The following SH3BGRL2 variants were observed in gnomAD, a reference collection of about 807,000 sequenced individuals.
SH3BGRL2 encodes the protein SH3 domain-binding glutamic acid-rich-like protein 2.
SH3BGRL2 carries 21 observed loss-of-function variants against 14.8 expected under a neutral mutation model. The observed-to-expected ratio is 1.42, with a 90% CI of 1.01 to 2.05. The LOEUF (loss-of-function observed/expected upper bound fraction) is 2.05, where lower values mean the gene tolerates loss of function less well. Ranked by LOEUF, SH3BGRL2 falls within the 30% of genes most tolerant of loss-of-function variation. The pLI is 0.00. For synonymous variants in SH3BGRL2, 50 were observed against 47.8 expected (o/e 1.05, Z -0.19); for missense variants, 147 against 130.8 (o/e 1.12, Z -0.61).
At chr6:79,595,798 C>G in the SH3BGRL2 span, among the ~76,000 whole-genome samples, 1 of 152,162 alleles carries the variant, frequency 6.6e-6, no homozygotes. Context: ...TTCTATTTAA[C>G]TTTGTACTGC....
At chr6:79,542,671 T>TTTAGGGAGAGGTTGGAAGGTGGGAG in the SH3BGRL2 span, among the ~76,000 whole-genome samples, 117 of 152,282 alleles carry the variant, frequency 7.7e-4, no homozygotes, top group African/African-American at 2.7e-3. Flanking sequence ...AAATGGGGCA[T>TTTAGGGAGAGGTTGGAAGGTGGGAG]TTAGGGAGAG....
intron 2 of SH3BGRL2, among the ~76,000 whole-genome samples, chr6:79,683,394 C>T (rs1770029136): frequency 6.6e-6 from 1 of 151,816 alleles, no homozygotes; most frequent in African/African-American, 2.4e-5. Flanking sequence ...GTTGCATATT[C>T]TTTTCTGTTT....
chr6:79,538,018 G>GTTTTT, the SH3BGRL2 span, among the ~76,000 whole-genome samples: 207 of 44,150 alleles, frequency 4.7e-3, 49 homozygotes, highest in Middle Eastern at 0.067. Flanking sequence ...TTGCACACAA[G>GTTTTT]TTTTTTTTTT....
At chr6:79,630,201 G>A (rs374978173), upstream of SH3BGRL2, among the ~76,000 whole-genome samples, 1 of 152,232 alleles carries the variant, frequency 6.6e-6, no homozygotes, top group Non-Finnish European at 1.5e-5. Flanking sequence ...CAATAGGAAA[G>A]GTTATAAATT....
intron 1 of SH3BGRL2, among the ~76,000 whole-genome samples, chr6:79,653,411 A>C (rs1206605046): frequency 6.6e-6 from 1 of 152,230 alleles, no homozygotes; most frequent in Non-Finnish European, 1.5e-5. Context: ...CTTACCCTGG[A>C]ACCATAATTA....
At chr6:79,636,509 G>A (rs1482489343) in intron 1 of SH3BGRL2, among the ~76,000 whole-genome samples, 1 of 152,118 alleles carries the variant, frequency 6.6e-6, no homozygotes, top group Admixed American at 6.5e-5. Flanking sequence ...GAGAGGATGT[G>A]GTGGTGATGG....
In SH3BGRL2 at chr6:79,699,504, C is replaced by T. The variant is rs769605394; in HGVS notation, c.319C>T (p.Pro107Ser). 14 of 741,434 alleles carry T rather than the reference C, an allele frequency of 1.9e-5. No homozygotes were observed. The South Asian group carries it at 2.3e-4, about 12-fold the overall frequency. The allele number at this position is 741,434 out of a possible 1,614,324, so 45.9% of individuals were successfully genotyped here. A position where few individuals can be genotyped will look rare whatever the true frequency, so the allele number is the denominator to read the frequency against. The change falls in exon 4 of 4, where the codon CCT (proline) becomes TCT (serine). Residue 107 changes from proline to serine, a missense_variant. Coordinates refer to ENST00000369838, the MANE Select transcript of SH3BGRL2 (RefSeq NM_031469.4). ...LKPRLASKAE[P>S] Reference sequence around the variant, plus strand: ...TTTTTTTTTTTTTTTATAGGCAGAACCTTAGAGAAGAAGAGTGGAAGATGA... The same window carrying T: ...TTTTTTTTTTTTTTTATAGGCAGAATCTTAGAGAAGAAGAGTGGAAGATGA...
At position 79,702,581 on chromosome 6, in the gene SH3BGRL2, A is replaced by AG. The variant is rs1244903703; in HGVS notation, c.*3074dup. On this transcript the variant is annotated 3_prime_UTR_variant, in exon 4 of 4. Coordinates refer to ENST00000369838, the MANE Select transcript of SH3BGRL2 (RefSeq NM_031469.4). ...TTAATTTTAGTTCTGTTTAGTTGAGAGGCTGTGATTTTACTCTTGCCTGTG... is the reference window on the plus strand; with the variant it reads ...TTAATTTTAGTTCTGTTTAGTTGAGAGGGCTGTGATTTTACTCTTGCCTGTG... 2.0e-5 allele frequency: 3 copies of AG among 152,218 alleles called. No individual in the cohort carries two copies. The allele number at this position is 152,218 out of a possible 1,614,324, so 9.4% of individuals were successfully genotyped here.
intron 2 of SH3BGRL2, among the ~76,000 whole-genome samples, chr6:79,685,238 G>A (rs1391764653): frequency 6.6e-6 from 1 of 152,174 alleles, no homozygotes; most frequent in Admixed American, 6.5e-5. Context: ...CCAGTTGCAT[G>A]GCTAGCAGTA....
the SH3BGRL2 span, among the ~76,000 whole-genome samples, chr6:79,564,982 A>G: frequency 2.0e-5 from 3 of 152,162 alleles, no homozygotes; most frequent in Non-Finnish European, 2.9e-5. Flanking sequence ...TTCCCCTGGC[A>G]GAAGAACACG....
At chr6:79,561,321 A>G in the SH3BGRL2 span, 4 of 152,144 alleles carry the variant, frequency 2.6e-5, no homozygotes, top group Non-Finnish European at 5.9e-5. Context: ...ATATGTATAT[A>G]GCCTAGCATT....
chr6:79,575,375 G>A, the SH3BGRL2 span: 1 of 152,102 alleles, frequency 6.6e-6, no homozygotes, highest in Non-Finnish European at 1.5e-5. Context: ...TACTATATTG[G>A]TGGGTTTATT....
chr6:79,667,162 A>C (rs1190059647), intron 1 of SH3BGRL2, among the ~76,000 whole-genome samples: 2 of 152,254 alleles, frequency 1.3e-5, no homozygotes, highest in African/African-American at 4.8e-5. Context: ...ATAGGTTCAG[A>C]AGGACTCTGA....
chr6:79,654,946 A>G lies in SH3BGRL2; in HGVS notation c.46-18668A>G, dbSNP rs1769375457. Among the ~76,000 whole-genome samples, 3 of 152,328 alleles carry G rather than the reference A, an allele frequency of 2.0e-5. No individual in the cohort carries two copies. The South Asian group carries it at 6.2e-4, about 32-fold the overall frequency. ...GGTTTACATCCTAGCAGGAAGGTAC[A>G]CTTTAAGTAAGCTATTACTTAATTC... On this transcript the variant is annotated intron_variant, in intron 1 of 3. Coordinates refer to ENST00000369838, the MANE Select transcript of SH3BGRL2 (RefSeq NM_031469.4).
the SH3BGRL2 span, among the ~76,000 whole-genome samples, chr6:79,557,656 TA>T: frequency 9.2e-5 from 14 of 152,170 alleles, no homozygotes; most frequent in African/African-American, 3.4e-4. Flanking sequence ...ACATTTGGAT[TA>T]AATGAGCAGT....
intron 1 of SH3BGRL2, among the ~76,000 whole-genome samples, chr6:79,661,389 C>T (rs1769544264): frequency 6.6e-6 from 1 of 152,140 alleles, no homozygotes; most frequent in African/African-American, 2.4e-5. Context: ...TCGTTATTTA[C>T]CCAGTAGTCA....
chr6:79,686,417 T>C (rs1434183641), intron 2 of SH3BGRL2, among the ~76,000 whole-genome samples: 1 of 152,142 alleles, frequency 6.6e-6, no homozygotes, highest in Admixed American at 6.6e-5. Flanking sequence ...TACTCTTGAC[T>C]TATCTAGTAA....
chr6:79,676,243 C>A (rs1004009093), intron 2 of SH3BGRL2, among the ~76,000 whole-genome samples: 2 of 152,030 alleles, frequency 1.3e-5, no homozygotes, highest in African/African-American at 4.8e-5. Flanking sequence ...CTCTTCAGTG[C>A]CCATGTGTAT....
At chr6:79,589,608 G>A in the SH3BGRL2 span, among the ~76,000 whole-genome samples, 3 of 152,198 alleles carry the variant, frequency 2.0e-5, no homozygotes, top group African/African-American at 7.2e-5. Flanking sequence ...TGAAGAGATT[G>A]GGTCTTCAGA....
Sources: gnomAD v4.1 joint callset for allele counts (sites outside exome capture counted in the v4.1 genomes callset) on GRCh38, gnomAD v4.1.1 for gene constraint, MANE v1.5 for transcripts, NCBI Gene and HGNC (gene_info 2026-07-23, HGNC 2026-07-21) for gene names.